Variants in TPCN2 observed in about 807,000 individuals in gnomAD.
TPCN2 encodes the protein two pore channel protein 2.
A neutral mutation model predicts 111.4 loss-of-function variants in TPCN2; 92 were observed. The ratio of observed to expected loss-of-function variants is 0.83; its 90% CI spans 0.70 to 0.98. TPCN2 has a LOEUF of 0.98. Among genes scored for constraint, TPCN2 ranks in the 50% least tolerant of loss-of-function variants. The pLI, the probability that TPCN2 is intolerant of heterozygous loss-of-function variation, is 0.00. For synonymous variants in TPCN2, 405 were observed against 414.5 expected (o/e 0.98, Z 0.28); for missense variants, 995 against 980.1 (o/e 1.02, Z -0.20).
chr11:69,074,573 G>C (rs1454632218), intron 13 of TPCN2, among the ~76,000 whole-genome samples: 1 of 121,040 alleles, frequency 8.3e-6, no homozygotes, highest in African/African-American at 2.9e-5. Flanking sequence ...AGCTGTTTGG[G>C]GCTCAGGAAG....
At chr11:69,065,058 G>A (rs1190049133) in intron 7 of TPCN2, among the ~76,000 whole-genome samples, 1 of 67,966 alleles carries the variant, frequency 1.5e-5, no homozygotes, top group African/African-American at 3.5e-5. Context: ...TGTGTGTGGT[G>A]TGTCTATGTG....
intron 5 of TPCN2, among the ~76,000 whole-genome samples, chr11:69,059,810 T>C (rs1449061172): frequency 6.6e-6 from 1 of 152,212 alleles, no homozygotes; most frequent in African/African-American, 2.4e-5. Flanking sequence ...GCGATGGTTG[T>C]GGGCAAGGGC....
At chr11:69,057,997 A>G (rs964820541) in intron 5 of TPCN2, among the ~76,000 whole-genome samples, 66 of 152,318 alleles carry the variant, frequency 4.3e-4, no homozygotes, top group African/African-American at 1.5e-3. Flanking sequence ...CTCTAGCTGA[A>G]GGCCTCGGCC....
chr11:69,056,657 C>T (rs1480859668), intron 4 of TPCN2, among the ~76,000 whole-genome samples: 1 of 148,716 alleles, frequency 6.7e-6, no homozygotes, highest in Non-Finnish European at 1.5e-5. Context: ...CCTCAGCCTC[C>T]CCAGCAGTTG....
intron 3 of TPCN2, 88 bp downstream of exon 3, chr11:69,054,885 A>T: frequency 7.3e-7 from 1 of 1,377,344 alleles, no homozygotes; most frequent in Non-Finnish European, 1.0e-6. Flanking sequence ...ACCTGGTCTC[A>T]GGGTCCAGGC....
intron 14 of TPCN2, 47 bp from the exon 15 acceptor site, chr11:69,078,687 A>G: frequency 6.2e-7 from 1 of 1,613,458 alleles, no homozygotes. Flanking sequence ...TGCCTCGCCC[A>G]GCGCTGTGCT....
At chr11:69,052,270 C>G (rs1009424618) in intron 1 of TPCN2, among the ~76,000 whole-genome samples, 1 of 152,056 alleles carries the variant, frequency 6.6e-6, no homozygotes, top group African/African-American at 2.4e-5. Context: ...TTGTCTTCTC[C>G]CAGGGAATCT....
chr11:69,067,121 C>T (rs1855306195), intron 7 of TPCN2, among the ~76,000 whole-genome samples: 1 of 152,188 alleles, frequency 6.6e-6, no homozygotes, highest in South Asian at 2.1e-4. Context: ...GCAGCCTGGG[C>T]CCCTCTGCTC....
chr11:69,075,224 C>T (rs1356375541), intron 13 of TPCN2, among the ~76,000 whole-genome samples: 1 of 152,156 alleles, frequency 6.6e-6, no homozygotes, highest in Non-Finnish European at 1.5e-5. Context: ...TTTCTGACTC[C>T]TTCTTTCCTC....
intron 13 of TPCN2, among the ~76,000 whole-genome samples, chr11:69,076,678 G>C (rs112719333): frequency 4.5e-5 from 2 of 44,070 alleles, no homozygotes; most frequent in African/African-American, 2.2e-4. Context: ...CCCTCCTGCC[G>C]TGTCCCTCCA....
At chr11:69,084,176 G>A (rs1475632580) in intron 19 of TPCN2, among the ~76,000 whole-genome samples, 160 bp downstream of exon 19, 1 of 152,200 alleles carries the variant, frequency 6.6e-6, no homozygotes, top group Non-Finnish European at 1.5e-5. Context: ...ACAGGGTCGG[G>A]GTAAGAAGCC....
chr11:69,085,765 C>A lies in TPCN2; in HGVS notation c.1920+13C>A. The A allele has an allele frequency of 6.2e-7, 1 of 1,613,778 alleles. No individual in the cohort carries two copies. Among genetic ancestry groups the A allele is most frequent in the Non-Finnish European group, 8.5e-7 (1 of 1,179,750 alleles). ...CGATGACTTTGCGGTGAGCCCTGCG[C>A]CCTGTCCCAGCACCCTGCTCCCCGG... is the stretch of plus-strand genomic sequence containing the variant. On this transcript the variant is annotated intron_variant, in intron 21 of 24. Coordinates refer to ENST00000294309, the MANE Select transcript of TPCN2 (RefSeq NM_139075.4).
At chr11:69,081,262 G>A (rs759246100) in intron 17 of TPCN2, 138 bp from the exon 18 acceptor site, 10 of 580,606 alleles carry the variant, frequency 1.7e-5, no homozygotes, top group African/African-American at 7.5e-5. Flanking sequence ...TTTTCTGCTC[G>A]GTGTTGGCTG....
chr11:69,061,084 C>T (rs936074522), intron 5 of TPCN2, among the ~76,000 whole-genome samples: 6 of 152,354 alleles, frequency 3.9e-5, no homozygotes, highest in African/African-American at 1.4e-4. Flanking sequence ...ATAGGCAGGT[C>T]TCTTGTCCTC....
At chr11:69,071,883 G>C in intron 10 of TPCN2, 40 bp from the exon 11 acceptor site, 1 of 1,585,550 alleles carries the variant, frequency 6.3e-7, no homozygotes, top group Non-Finnish European at 8.7e-7. Context: ...CTGAGCTGGG[G>C]GAGGGCTGAT....
At chr11:69,061,541 G>T (rs1173444662) in intron 5 of TPCN2, among the ~76,000 whole-genome samples, 1 of 152,222 alleles carries the variant, frequency 6.6e-6, no homozygotes, top group Non-Finnish European at 1.5e-5. Flanking sequence ...GAGAGAGGAG[G>T]TGGGGGCAGG....
Position 69,078,483 on chromosome 11 carries a change from A to G in TPCN2, c.1232A>G (p.His411Arg). 2 of 1,613,712 alleles carry G rather than the reference A, an allele frequency of 1.2e-6. No individual in the cohort carries two copies. Among genetic ancestry groups the G allele is most frequent in the Admixed American group, 1.7e-5 (1 of 60,008 alleles). The change falls in exon 14 of 25, where the codon CAC (histidine) becomes CGC (arginine). Residue 411 changes from histidine to arginine, a missense_variant and splice_region_variant. His to Arg is a conservative substitution (Grantham distance 29). Transcript: ENST00000294309. Reference protein sequence around the residue: ...NELDRSVVKEHPPRPEYQSPF... With the variant: ...NELDRSVVKERPPRPEYQSPF... Reference sequence around the variant, plus strand: ...TGAGCACGTGTGTTCCTTGCCCAGCACCCGCCGAGGCCCGAGTACCAGTCT... The same window carrying G: ...TGAGCACGTGTGTTCCTTGCCCAGCGCCCGCCGAGGCCCGAGTACCAGTCT...
At chr11:69,071,242 T>A in intron 9 of TPCN2, 114 bp from the exon 10 acceptor site, 1 of 783,672 alleles carries the variant, frequency 1.3e-6, no homozygotes, top group Non-Finnish European at 2.2e-6. Flanking sequence ...CCAGGCCATG[T>A]TTCCATTTGA....
At chr11:69,081,203 C>T (rs908696094) in intron 17 of TPCN2, among the ~76,000 whole-genome samples, 197 bp from the exon 18 acceptor site, 4 of 152,180 alleles carry the variant, frequency 2.6e-5, no homozygotes, top group East Asian at 3.9e-4. Flanking sequence ...CAGGTGGAAG[C>T]GGAGCAGTGA....
Sources: gnomAD v4.1 joint callset for allele counts (sites outside exome capture counted in the v4.1 genomes callset) on GRCh38, gnomAD v4.1.1 for gene constraint, MANE v1.5 for transcripts, NCBI Gene and HGNC (gene_info 2026-07-23, HGNC 2026-07-21) for gene names.